The following MTFMT variants were observed in gnomAD, a reference collection of about 807,000 sequenced individuals.
MTFMT encodes mitochondrial methionyl-tRNA formyltransferase, also known as methionyl-tRNA formyltransferase, mitochondrial.
A neutral mutation model predicts 51.8 loss-of-function variants in MTFMT; 47 were observed. The ratio of observed to expected loss-of-function variants is 0.91; its 90% CI spans 0.72 to 1.16. MTFMT has a LOEUF of 1.16. MTFMT is among the 50% of genes most tolerant of loss of function. MTFMT has a pLI of 0.00. For synonymous variants in MTFMT, 196 were observed against 176.7 expected (o/e 1.11, Z -0.87); for missense variants, 512 against 482.3 (o/e 1.06, Z -0.58).
At chr15:65,003,625 G>C (rs2140472107) in intron 8 of MTFMT, among the ~76,000 whole-genome samples, 1 of 152,234 alleles carries the variant, frequency 6.6e-6, no homozygotes, top group South Asian at 2.1e-4. Context: ...GGGAGGCCGA[G>C]GCGGGTGGAT....
intron 4 of MTFMT, among the ~76,000 whole-genome samples, chr15:65,020,526 G>T (rs1340572265): frequency 6.6e-6 from 1 of 152,214 alleles, no homozygotes; most frequent in Non-Finnish European, 1.5e-5. Flanking sequence ...CCTCAGTAGA[G>T]ATTCTGCTTT....
chr15:65,014,625 CTTT>C (rs974654085), intron 6 of MTFMT, among the ~76,000 whole-genome samples: 9 of 134,924 alleles, frequency 6.7e-5, no homozygotes, highest in African/African-American at 1.4e-4. Context: ...CATGCCCGGT[CTTT>C]TTTTTTTTTT....
At chr15:65,011,419 AC>A (rs902087313) in intron 6 of MTFMT, among the ~76,000 whole-genome samples, 22 of 144,480 alleles carry the variant, frequency 1.5e-4, no homozygotes, top group African/African-American at 5.8e-4. Context: ...AGAATTCTTT[AC>A]TCTGGATATT....
chr15:65,004,814 T>C (rs750398705), intron 8 of MTFMT, 40 bp downstream of exon 8: 2 of 1,390,852 alleles, frequency 1.4e-6, no homozygotes, highest in South Asian at 2.5e-5. Context: ...TATAACATAG[T>C]AAAACAACTA....
rs757574004 is a variant in MTFMT, at chr15:65,014,568, C to T, written c.813+1868G>A. ...CTCGAACTCCTGACCTCAGGTGATC[C>T]GCCCGCCTCGGCCTCCCAAAGTGCT... On this transcript the variant is annotated intron_variant, in intron 6 of 8. Transcript: ENST00000220058. Among the ~76,000 whole-genome samples, 12 of 151,410 alleles carry T rather than the reference C, an allele frequency of 7.9e-5. No homozygotes were observed. In the South Asian group the frequency reaches 8.4e-4, roughly 11 times the overall value.
At chr15:65,017,330 T>C (rs1048732181) in intron 5 of MTFMT, among the ~76,000 whole-genome samples, 1 of 152,140 alleles carries the variant, frequency 6.6e-6, no homozygotes, top group Non-Finnish European at 1.5e-5. Flanking sequence ...TCAACATTAC[T>C]GACAGGAATA....
intron 6 of MTFMT, among the ~76,000 whole-genome samples, chr15:65,012,944 G>C (rs528072146): frequency 6.6e-6 from 1 of 152,258 alleles, no homozygotes; most frequent in African/African-American, 2.4e-5. Flanking sequence ...AACTTGGGGA[G>C]TAGAGACATC....
intron 8 of MTFMT, among the ~76,000 whole-genome samples, chr15:65,003,907 C>G (rs1476414996): frequency 7.0e-6 from 1 of 142,262 alleles, no homozygotes; most frequent in Non-Finnish European, 1.5e-5. Context: ...GACAGCAAGA[C>G]ATATGCATCC....
At chr15:65,025,494 C>A (rs975063815) in intron 2 of MTFMT, among the ~76,000 whole-genome samples, 2 of 152,022 alleles carry the variant, frequency 1.3e-5, no homozygotes, top group African/African-American at 4.8e-5. Flanking sequence ...AAGTAGGGAC[C>A]AGTTAGGAGG....
chr15:65,009,263 G>GT (rs1296221628), intron 6 of MTFMT, among the ~76,000 whole-genome samples: 5 of 152,314 alleles, frequency 3.3e-5, no homozygotes, highest in African/African-American at 9.6e-5. Flanking sequence ...TCATCATGTA[G>GT]TAAGTTATAG....
Position 65,016,534 on chromosome 15 carries a change from G to C in MTFMT, c.722-7C>G. On this transcript the variant is annotated splice_polypyrimidine_tract_variant and splice_region_variant and intron_variant, in intron 5 of 8. Coordinates refer to ENST00000220058, the MANE Select transcript of MTFMT (RefSeq NM_139242.4). ...CCAGCAGAAATCTTAGGGGCTACAAGATAAAACCAAGAGCAAAAATGAACA... is the reference window on the plus strand; with the variant it reads ...CCAGCAGAAATCTTAGGGGCTACAACATAAAACCAAGAGCAAAAATGAACA... 2 of 1,599,924 alleles carry C rather than the reference G, an allele frequency of 1.3e-6. No homozygotes were observed.
At position 65,002,059 on chromosome 15, in the gene MTFMT, G is replaced by A. The variant is rs929684795; in HGVS notation, c.*1003C>T. The A allele has an allele frequency of 1.3e-5, 2 of 151,886 alleles. No homozygotes were observed. Among genetic ancestry groups the A allele is most frequent in the African/African-American group, 2.4e-5 (1 of 41,348 alleles). 9.4% of individuals were successfully genotyped at this position (151,886 alleles called of 1,614,324 possible). ...GATTCAATACTCCTAAAATGTCAGTGGTGACACGATTTTTAAAAAATTAAA... is the reference window on the plus strand; with the variant it reads ...GATTCAATACTCCTAAAATGTCAGTAGTGACACGATTTTTAAAAAATTAAA... On this transcript the variant is annotated 3_prime_UTR_variant, in exon 9 of 9. Transcript: ENST00000220058.
chr15:65,025,528 G>A (rs1418649771), intron 2 of MTFMT, among the ~76,000 whole-genome samples: 1 of 152,224 alleles, frequency 6.6e-6, no homozygotes, highest in Non-Finnish European at 1.5e-5. Context: ...GTAGGCGAGA[G>A]TGGCAGCAGC....
At chr15:65,006,521 C>T (rs945653860) in intron 6 of MTFMT, among the ~76,000 whole-genome samples, 5 of 151,848 alleles carry the variant, frequency 3.3e-5, no homozygotes, top group African/African-American at 9.7e-5. Flanking sequence ...GGACTACAGG[C>T]GCCTGCAACC....
chr15:65,011,865 A>G (rs2086270573), intron 6 of MTFMT, among the ~76,000 whole-genome samples: 1 of 151,954 alleles, frequency 6.6e-6, no homozygotes, highest in Non-Finnish European at 1.5e-5. Context: ...ATGAAGTCCA[A>G]TTTCTCTATT....
chr15:65,021,521 GCACC>G lies in MTFMT; in HGVS notation c.634_637del (p.Gly212ProfsTer8). 1 of 1,607,350 alleles carries G rather than the reference GCACC, an allele frequency of 6.2e-7. No individual in the cohort carries two copies. Among genetic ancestry groups the G allele is most frequent in the Non-Finnish European group, 8.5e-7 (1 of 1,174,478 alleles). ...GATATTGGGGAATTATACCATGTTG[GCACC>G]CAGTCTTGACAACACTGCTTCCAAT... On this transcript the variant is annotated frameshift_variant, in exon 4 of 9. Transcript: ENST00000220058. LOFTEE classifies it high-confidence loss of function.
chr15:65,022,705 ATTT>A (rs35591836), intron 3 of MTFMT, among the ~76,000 whole-genome samples: 24 of 134,646 alleles, frequency 1.8e-4, no homozygotes, highest in Non-Finnish European at 1.6e-4. Flanking sequence ...CATCATTCAG[ATTT>A]TTTTTTTTTT....
rs1474710104 is a variant in MTFMT at position 65,027,059 on chromosome 15, A to T, written c.210-19T>A. On this transcript the variant is annotated intron_variant, in intron 1 of 8. Coordinates refer to ENST00000220058, the MANE Select transcript of MTFMT (RefSeq NM_139242.4). ...GTTTTCCCTAAATTAGATAGGAAGA[A>T]AAATGTGACAGTGTTAAGGCAATGA... The T allele has an allele frequency of 4.5e-5, 71 of 1,588,052 alleles. No homozygotes were observed. The highest frequency in any genetic ancestry group is 5.8e-5 in the Non-Finnish European group (67 of 1,160,706).
intron 6 of MTFMT, among the ~76,000 whole-genome samples, chr15:65,008,866 A>G (rs2086239821): frequency 6.6e-6 from 1 of 152,190 alleles, no homozygotes; most frequent in African/African-American, 2.4e-5. Flanking sequence ...AAAGATTTCT[A>G]TTTACTGAGA....
Sources: allele counts gnomAD v4.1 joint callset (sites outside exome capture counted in the v4.1 genomes callset), GRCh38; gene constraint gnomAD v4.1.1; transcripts MANE v1.5; gene names NCBI Gene and HGNC (gene_info 2026-07-23, HGNC 2026-07-21).